LDLRAD3: variants seen among roughly 807,000 people sequenced by gnomAD.
The protein encoded by LDLRAD3 is low-density lipoprotein receptor class A domain-containing protein 3.
Under a neutral mutation model 29.4 loss-of-function variants are expected in LDLRAD3, and 20 were observed. That is an observed-to-expected ratio of 0.68 (90% confidence interval 0.48 to 0.99). The LOEUF (loss-of-function observed/expected upper bound fraction) is 0.99. Among genes scored for constraint, LDLRAD3 ranks in the 50% least tolerant of loss-of-function variants. The probability of loss-of-function intolerance (pLI) is 0.00; values close to 1 mark genes in which losing one functional copy is unlikely to be tolerated. For synonymous variants in LDLRAD3, 157 were observed against 192.7 expected, an observed-to-expected ratio of 0.81 and a Z score of 1.53; for missense variants, 420 against 454.3, an observed-to-expected ratio of 0.92 and a Z score of 0.69.
chr11:35,955,613 A>G (rs16928142), intron 1 of LDLRAD3, among the ~76,000 whole-genome samples: 19,971 of 152,238 alleles, frequency 0.13, 1,804 homozygotes, highest in East Asian at 0.4. Context: ...TAAGCATTAA[A>G]ATAGATAAAC....
At chr11:36,150,205 A>G (rs1854257835) in intron 4 of LDLRAD3, among the ~76,000 whole-genome samples, 1 of 152,188 alleles carries the variant, frequency 6.6e-6, no homozygotes, top group Non-Finnish European at 1.5e-5. Flanking sequence ...TTTGTTCCAT[A>G]AATGAGGCAT....
chr11:36,032,947 T>G (rs1852253969), intron 1 of LDLRAD3, among the ~76,000 whole-genome samples: 1 of 151,944 alleles, frequency 6.6e-6, no homozygotes, highest in African/African-American at 2.4e-5. Context: ...TGATCTCGGC[T>G]CACTGCAACC....
At chr11:36,150,520 C>T (rs901631775) in intron 4 of LDLRAD3, among the ~76,000 whole-genome samples, 2 of 150,920 alleles carry the variant, frequency 1.3e-5, no homozygotes, top group South Asian at 2.1e-4. Context: ...AGAGCGAGAC[C>T]TTGTCTCTTT....
At chr11:36,112,414 T>C (rs1370499709) in intron 4 of LDLRAD3, among the ~76,000 whole-genome samples, 1 of 152,234 alleles carries the variant, frequency 6.6e-6, no homozygotes, top group East Asian at 1.9e-4. Flanking sequence ...AAAGTAAACG[T>C]GAATTCCCCA....
intron 4 of LDLRAD3, among the ~76,000 whole-genome samples, chr11:36,133,015 C>G (rs1287528119): frequency 6.6e-6 from 1 of 152,182 alleles, no homozygotes; most frequent in Non-Finnish European, 1.5e-5. Context: ...AAATGAGATA[C>G]TGATTAAAAC....
Position 36,081,554 on chromosome 11 carries a change from C to T in LDLRAD3, c.194-99C>T, listed in dbSNP as rs112141564. ...AAGCTTCAAGGACTTTAAGATGAAT[C>T]TTAAGTGGACTCATTTTCACATTCA... On this transcript the variant is annotated intron_variant, in intron 2 of 5. Coordinates refer to ENST00000315571, the MANE Select transcript of LDLRAD3 (RefSeq NM_174902.4). 1.8e-5 allele frequency: 27 copies of T among 1,490,002 alleles called. No homozygotes were observed. The African/African-American group carries it at 2.9e-4, about 16-fold the overall frequency. The allele number at this position is 1,490,002 out of a possible 1,614,324, so 92.3% of individuals were successfully genotyped here.
chr11:36,061,938 C>G (rs1207919191), intron 2 of LDLRAD3, among the ~76,000 whole-genome samples: 2 of 151,662 alleles, frequency 1.3e-5, no homozygotes, highest in African/African-American at 4.8e-5. Flanking sequence ...TTTAGGTGAC[C>G]CAGTCACCCA....
At chr11:36,036,378 G>A in intron 2 of LDLRAD3, 129 bp downstream of exon 2, 1 of 984,222 alleles carries the variant, frequency 1.0e-6, no homozygotes, top group Non-Finnish European at 1.5e-6. Context: ...CCTCTTGCCA[G>A]CAGTCCTGCT....
At chr11:36,078,155 G>A (rs979053989) in intron 2 of LDLRAD3, among the ~76,000 whole-genome samples, 3 of 152,172 alleles carry the variant, frequency 2.0e-5, no homozygotes, top group African/African-American at 7.2e-5. Context: ...GGGAGGAAGT[G>A]CATGCTGATT....
At chr11:35,965,280 A>C (rs1851325737) in intron 1 of LDLRAD3, among the ~76,000 whole-genome samples, 1 of 152,256 alleles carries the variant, frequency 6.6e-6, no homozygotes, top group Admixed American at 6.5e-5. Context: ...ATCAGAATGA[A>C]GGATGGTCCT....
chr11:36,162,340 G>A (rs1391829953), intron 4 of LDLRAD3, among the ~76,000 whole-genome samples: 5 of 152,160 alleles, frequency 3.3e-5, no homozygotes, highest in East Asian at 3.8e-4. Flanking sequence ...CAGCATGTCC[G>A]ATCTTCCTTG....
At chr11:36,038,667 G>A (rs1317117038) in intron 2 of LDLRAD3, among the ~76,000 whole-genome samples, 1 of 152,186 alleles carries the variant, frequency 6.6e-6, no homozygotes, top group Non-Finnish European at 1.5e-5. Flanking sequence ...GCCGGCAGCT[G>A]CCTGGAGCTG....
intron 2 of LDLRAD3, among the ~76,000 whole-genome samples, chr11:36,081,143 C>T (rs150837156): frequency 1.2e-4 from 18 of 152,286 alleles, no homozygotes; most frequent in East Asian, 7.7e-4. Context: ...TCTTTGTAAG[C>T]GTAGCAGTTG....
At chr11:36,105,272 C>T (rs528700316) in intron 4 of LDLRAD3, among the ~76,000 whole-genome samples, 22 of 145,804 alleles carry the variant, frequency 1.5e-4, no homozygotes, top group East Asian at 1.0e-3. Flanking sequence ...AAAGACAAGG[C>T]GGTGTGTGTG....
chr11:36,170,779 C>T (rs967390208), intron 4 of LDLRAD3, among the ~76,000 whole-genome samples: 1 of 149,342 alleles, frequency 6.7e-6, no homozygotes, highest in African/African-American at 2.5e-5. Context: ...ATTTGTCATA[C>T]GTTTGTTGGC....
chr11:36,026,920 T>C lies in LDLRAD3; in HGVS notation c.47-9183T>C, dbSNP rs114782796. Among the ~76,000 whole-genome samples, 252 of 152,310 alleles carry C rather than the reference T, an allele frequency of 1.7e-3. 3 individuals are homozygous for C. In the East Asian group the frequency reaches 0.032, roughly 19 times the overall value. ...CATAAAAATGAGCAACCAGCAGCCA[T>C]TGGGGCTGCTTTGCCTATGGAGTAG... On this transcript the variant is annotated intron_variant, in intron 1 of 5. Transcript: ENST00000315571.
At chr11:36,025,389 A>ATTT (rs35778261) in intron 1 of LDLRAD3, among the ~76,000 whole-genome samples, 8 of 138,042 alleles carry the variant, frequency 5.8e-5, no homozygotes, top group Admixed American at 2.2e-4. Context: ...CTGGCTTCAG[A>ATTT]TTTTTTTTTT....
rs551490326 is a variant in LDLRAD3 at position 36,129,281 on chromosome 11, T to G, written c.454+30820T>G. ...AAAACAAAAACAAAACCCAAAGGAT[T>G]TGGCTTGCAACTGTCGATGGCAGAG... On this transcript the variant is annotated intron_variant, in intron 4 of 5. Transcript: ENST00000315571. 1.1e-4 allele frequency among the ~76,000 whole-genome samples: 16 copies of G among 152,308 alleles called. No homozygotes were observed. The South Asian group carries it at 1.7e-3, about 16-fold the overall frequency.
intron 4 of LDLRAD3, among the ~76,000 whole-genome samples, chr11:36,113,059 T>G (rs977364565): frequency 1.3e-5 from 2 of 152,122 alleles, no homozygotes; most frequent in African/African-American, 2.4e-5. Flanking sequence ...AGGGAAAAGG[T>G]TCAGAAAGAC....
Sources: gnomAD v4.1 joint callset for allele counts (sites outside exome capture counted in the v4.1 genomes callset) on GRCh38, gnomAD v4.1.1 for gene constraint, MANE v1.5 for transcripts, NCBI Gene and HGNC (gene_info 2026-07-23, HGNC 2026-07-21) for gene names.